Variants in AFAP1 observed in about 807,000 individuals in gnomAD.
AFAP1 encodes the protein actin filament-associated protein 1.
Under a neutral mutation model 93.9 loss-of-function variants are expected in AFAP1, and 75 were observed. That is an observed-to-expected ratio of 0.80 (90% CI 0.66 to 0.97). The LOEUF is 0.97. AFAP1 is among the 50% of genes least tolerant of loss of function. The pLI, the probability that AFAP1 is intolerant of heterozygous loss-of-function variation, is 0.00. For synonymous variants in AFAP1, 517 were observed against 430.7 expected, an observed-to-expected ratio of 1.20 and a Z score of -2.48; for missense variants, 1,201 against 1,050.8, an observed-to-expected ratio of 1.14 and a Z score of -1.98.
chr4:7,829,167 T>C (rs965988382), intron 6 of AFAP1, among the ~76,000 whole-genome samples: 6 of 152,228 alleles, frequency 3.9e-5, no homozygotes, highest in Admixed American at 1.3e-4. Flanking sequence ...TGTGAGTCAA[T>C]GTAACCTCTT....
In AFAP1 at chr4:7,935,734, G is replaced by C. The variant is rs185662970; in HGVS notation, c.-3+3922C>G. ...ACAATACCAATGGCATCAAAGCAAG[G>C]GTATACTTCAGTGATAGAGCGAATT... is the stretch of plus-strand genomic sequence containing the variant. On this transcript the variant is annotated intron_variant, in intron 1 of 17. Transcript: ENST00000420658. Among the ~76,000 whole-genome samples, 1,124 of 151,206 alleles carry C rather than the reference G, an allele frequency of 7.4e-3. 13 individuals are homozygous for C. The highest frequency in any genetic ancestry group is 0.026 in the African/African-American group (1,044 of 40,614).
At chr4:7,897,039 T>C (rs1718818560) in intron 1 of AFAP1, among the ~76,000 whole-genome samples, 1 of 152,078 alleles carries the variant, frequency 6.6e-6, no homozygotes. Context: ...CTAGAGACTC[T>C]TTTCTTCTCC....
chr4:7,886,554 G>C (rs139528574), intron 1 of AFAP1, among the ~76,000 whole-genome samples: 99 of 152,282 alleles, frequency 6.5e-4, no homozygotes, highest in African/African-American at 2.0e-3. Context: ...GAGCCAGCAA[G>C]GAGTCTTCAA....
rs745801970 is a variant in AFAP1, at chr4:7,784,118, C to T, written c.1530+2076G>A. On this transcript the variant is annotated intron_variant, in intron 12 of 17. Coordinates refer to ENST00000420658, the MANE Select transcript of AFAP1 (RefSeq NM_001134647.2). ...GGTGCCATCTTAAGCAGGAAGAACT[C>T]GCACAAGCCCCTACCCAGGGGTGGA... 5.2e-4 allele frequency among the ~76,000 whole-genome samples: 79 copies of T among 152,132 alleles called. 1 individual carries two copies. Among genetic ancestry groups the T allele is most frequent in the Non-Finnish European group, 3.7e-4 (25 of 68,028 alleles).
intron 3 of AFAP1, among the ~76,000 whole-genome samples, chr4:7,856,459 C>T (rs375711225): frequency 6.6e-6 from 1 of 152,222 alleles, no homozygotes; most frequent in Middle Eastern, 3.4e-3. Flanking sequence ...CCAGGATGGT[C>T]TCGAACTCCT....
At chr4:7,791,915 G>A (rs1334530668) in intron 11 of AFAP1, among the ~76,000 whole-genome samples, 4 of 151,544 alleles carry the variant, frequency 2.6e-5, no homozygotes, top group Non-Finnish European at 5.9e-5. Context: ...GAGTGTTCAC[G>A]TCTGTAAACC....
intron 6 of AFAP1, among the ~76,000 whole-genome samples, chr4:7,825,761 C>T (rs904326894): frequency 2.0e-5 from 3 of 151,802 alleles, no homozygotes; most frequent in African/African-American, 7.3e-5. Flanking sequence ...AGAAAATAAT[C>T]ACACTACAGG....
At chr4:7,890,441 C>T (rs978033196) in intron 1 of AFAP1, among the ~76,000 whole-genome samples, 1 of 152,038 alleles carries the variant, frequency 6.6e-6, no homozygotes, top group South Asian at 2.1e-4. Flanking sequence ...AAAACATAGG[C>T]AAAAATATTT....
At chr4:7,853,986 C>T (rs1714752554) in intron 4 of AFAP1, among the ~76,000 whole-genome samples, 1 of 152,192 alleles carries the variant, frequency 6.6e-6, no homozygotes, top group Non-Finnish European at 1.5e-5. Context: ...CGTGCAGCTC[C>T]TCAGAATAAA....
At chr4:7,915,543 A>C (rs996906259) in intron 1 of AFAP1, among the ~76,000 whole-genome samples, 6 of 152,190 alleles carry the variant, frequency 3.9e-5, no homozygotes, top group Non-Finnish European at 8.8e-5. Context: ...TTGACCTCCA[A>C]AAGTTAAGAG....
intron 10 of AFAP1, among the ~76,000 whole-genome samples, chr4:7,795,686 A>G (rs888908398): frequency 4.6e-5 from 7 of 152,036 alleles, no homozygotes; most frequent in African/African-American, 1.4e-4. Flanking sequence ...CGGCCTCCCA[A>G]AGTGCTGGGA....
intron 5 of AFAP1, 70 bp downstream of exon 5, chr4:7,843,069 T>G: frequency 6.6e-7 from 1 of 1,516,922 alleles, no homozygotes; most frequent in Non-Finnish European, 9.1e-7. Flanking sequence ...TAATGGTGAC[T>G]GGATATAAAC....
intron 1 of AFAP1, among the ~76,000 whole-genome samples, chr4:7,887,313 T>G (rs556163163): frequency 0.021 from 3,146 of 152,264 alleles, 108 homozygotes; most frequent in African/African-American, 0.072. Context: ...TATCTAAGTG[T>G]GGGGTACCCA....
chr4:7,907,157 G>A (rs781079555), intron 1 of AFAP1, among the ~76,000 whole-genome samples: 3 of 152,156 alleles, frequency 2.0e-5, no homozygotes, highest in Non-Finnish European at 4.4e-5. Flanking sequence ...TTGTAACAGT[G>A]AGTTCCCCTC....
intron 4 of AFAP1, chr4:7,843,721 C>T (rs570553848): frequency 5.1e-6 from 1 of 196,174 alleles, no homozygotes; most frequent in South Asian, 9.1e-5. Flanking sequence ...CATGGAGGTC[C>T]CTTGCCCTCC....
chr4:7,835,468 G>A (rs1712189628), intron 6 of AFAP1, among the ~76,000 whole-genome samples: 1 of 79,698 alleles, frequency 1.3e-5, no homozygotes, highest in Non-Finnish European at 3.1e-5. Context: ...GCTGCCTTAA[G>A]GTTACCTGGG....
At chr4:7,891,476 T>C (rs920943199) in intron 1 of AFAP1, among the ~76,000 whole-genome samples, 3 of 152,074 alleles carry the variant, frequency 2.0e-5, no homozygotes, top group Admixed American at 6.5e-5. Context: ...TCTAGGTAAA[T>C]AGAACTTTAA....
chr4:7,867,800 A>G (rs1716592954), intron 3 of AFAP1, among the ~76,000 whole-genome samples: 1 of 151,860 alleles, frequency 6.6e-6, no homozygotes, highest in Non-Finnish European at 1.5e-5. Flanking sequence ...CTCTGTGCCC[A>G]CTGCAGTGAG....
chr4:7,827,840 C>T (rs1337465357), intron 6 of AFAP1, among the ~76,000 whole-genome samples: 2 of 152,114 alleles, frequency 1.3e-5, no homozygotes, highest in Admixed American at 6.5e-5. Context: ...GGGCGGGTGA[C>T]GTCTCATCCG....
Sources: allele counts gnomAD v4.1 joint callset (sites outside exome capture counted in the v4.1 genomes callset), GRCh38; gene constraint gnomAD v4.1.1; transcripts MANE v1.5; gene names NCBI Gene and HGNC (gene_info 2026-07-23, HGNC 2026-07-21).